Variants in RBFOX2 observed in about 807,000 individuals in gnomAD.
RBFOX2 encodes RNA binding protein fox-1 homolog 2.
Under a neutral mutation model 49.1 loss-of-function variants are expected in RBFOX2, and 10 were observed. That is an observed-to-expected ratio of 0.20 (90% CI 0.13 to 0.35). The LOEUF is 0.35. Among genes scored for constraint, RBFOX2 ranks in the 10% least tolerant of loss-of-function variants. The pLI, the probability that RBFOX2 is intolerant of heterozygous loss-of-function variation, is 1.00. For missense variants in RBFOX2, 323 were observed against 486.9 expected (o/e 0.66, Z 3.17); for synonymous variants, 183 against 187.4 (o/e 0.98, Z 0.19).
At chr22:36,000,065 A>T (rs2058353301) in intron 1 of RBFOX2, 1 of 148,166 alleles carries the variant, frequency 6.7e-6, no homozygotes, top group Admixed American at 6.8e-5. Flanking sequence ...CAGTGGCACG[A>T]TCTCAGCTCA....
At chr22:35,767,195 A>G (rs192634468) in intron 5 of RBFOX2, among the ~76,000 whole-genome samples, 7 of 152,332 alleles carry the variant, frequency 4.6e-5, no homozygotes, top group Admixed American at 2.6e-4. Context: ...TCCAGGCGGC[A>G]TTACTCAACA....
chr22:35,998,383 G>GT lies in RBFOX2; in HGVS notation c.186+29856dup, dbSNP rs568896900. 4.6e-3 allele frequency: 687 copies of GT among 148,908 alleles called. 1 individual carries two copies. The highest frequency in any genetic ancestry group is 0.015 in the African/African-American group (590 of 40,660). The allele number at this position is 148,908 out of a possible 1,614,324, so 9.2% of individuals were successfully genotyped here. On this transcript the variant is annotated intron_variant, in intron 1 of 13. Transcript: ENST00000438146. ...ACATCCAATGATACTTCTTAATTAG[G>GT]TTTTTTTTTTGAGACGGAGTTTCGC...
At chr22:35,946,909 TG>T (rs2054335366) in intron 1 of RBFOX2, among the ~76,000 whole-genome samples, 1 of 152,116 alleles carries the variant, frequency 6.6e-6, no homozygotes, top group Non-Finnish European at 1.5e-5. Flanking sequence ...ATAACGAAGC[TG>T]GTCAAGCACA....
At chr22:35,936,460 C>T (rs2053084728) in intron 1 of RBFOX2, among the ~76,000 whole-genome samples, 1 of 152,014 alleles carries the variant, frequency 6.6e-6, no homozygotes, top group Admixed American at 6.6e-5. Flanking sequence ...CAAGGTTAGG[C>T]GCATTAATTA....
rs1301752333 is a variant in RBFOX2, at chr22:35,897,756, A to T, written c.-34+41091T>A. On this transcript the variant is annotated intron_variant, in intron 1 of 13. Coordinates refer to the RBFOX2 transcript ENST00000359369. ...CACCAAACCAACACATATTTGCAAAATAATTAAGGAATCTATCCTCTCTTC... is the reference window on the plus strand; with the variant it reads ...CACCAAACCAACACATATTTGCAAATTAATTAAGGAATCTATCCTCTCTTC... 6.5e-6 allele frequency: 5 copies of T among 772,544 alleles called. No individual in the cohort carries two copies. In the Admixed American group the frequency reaches 8.6e-5, roughly 13 times the overall value. 47.9% of individuals were successfully genotyped at this position (772,544 alleles called of 1,614,324 possible).
chr22:35,869,438 C>A (rs538223317), intron 1 of RBFOX2, among the ~76,000 whole-genome samples: 4 of 120,290 alleles, frequency 3.3e-5, no homozygotes, highest in African/African-American at 1.3e-4. Flanking sequence ...GGATTACAGG[C>A]ATGAGCCACC....
intron 2 of RBFOX2, among the ~76,000 whole-genome samples, chr22:35,795,252 A>G (rs2147682992): frequency 6.6e-6 from 1 of 152,222 alleles, no homozygotes; most frequent in South Asian, 2.1e-4. Flanking sequence ...ACTTTGAGGG[A>G]AAAATAAGAG....
chr22:35,812,714 A>G (rs761447090), intron 1 of RBFOX2, among the ~76,000 whole-genome samples: 2 of 152,228 alleles, frequency 1.3e-5, no homozygotes, highest in Non-Finnish European at 1.5e-5. Context: ...GGTAAAAGCT[A>G]AAAGATAGAG....
intron 1 of RBFOX2, among the ~76,000 whole-genome samples, chr22:35,959,593 T>C (rs1009568409): frequency 1.7e-4 from 26 of 152,228 alleles, no homozygotes; most frequent in African/African-American, 5.5e-4. Context: ...ATTCAGTAGG[T>C]CTACAGTGGC....
chr22:35,881,976 GAAAGAAAAGAAA>G (rs1265123688), intron 1 of RBFOX2, among the ~76,000 whole-genome samples: 27 of 121,238 alleles, frequency 2.2e-4, no homozygotes, highest in African/African-American at 8.0e-4. Flanking sequence ...AAAAAGAAAA[GAAAGAAAAGAAA>G]AAAGAAAAAA....
intron 4 of RBFOX2, among the ~76,000 whole-genome samples, chr22:35,773,362 C>T (rs1188775771): frequency 1.3e-5 from 2 of 151,954 alleles, no homozygotes; most frequent in African/African-American, 4.8e-5. Context: ...ACCTAGATCC[C>T]CATTATTCCA....
chr22:35,830,406 G>A (rs904710686), intron 1 of RBFOX2, among the ~76,000 whole-genome samples: 2 of 152,210 alleles, frequency 1.3e-5, no homozygotes, highest in African/African-American at 2.4e-5. Context: ...AATTAATCAT[G>A]TGGGAGAAAA....
At chr22:35,756,328 A>G (rs1936927926) in intron 9 of RBFOX2, among the ~76,000 whole-genome samples, 184 bp from the exon 11 acceptor site, 1 of 152,240 alleles carries the variant, frequency 6.6e-6, no homozygotes, top group African/African-American at 2.4e-5. Context: ...AAGGTTACAC[A>G]GCTCCAGGAC....
At chr22:35,958,100 C>T (rs193289019) in intron 1 of RBFOX2, among the ~76,000 whole-genome samples, 13 of 152,032 alleles carry the variant, frequency 8.6e-5, no homozygotes, top group Non-Finnish European at 1.6e-4. Context: ...ACAATTCTAC[C>T]CCAAAAAAAG....
At chr22:35,850,193 T>TACATAC (rs2041763268) in intron 1 of RBFOX2, among the ~76,000 whole-genome samples, 2 of 132,602 alleles carry the variant, frequency 1.5e-5, no homozygotes, top group South Asian at 2.6e-4. Context: ...CTCTCTCTCA[T>TACATAC]ACACACACAC....
intron 1 of RBFOX2, among the ~76,000 whole-genome samples, chr22:35,986,330 C>T (rs75777124): frequency 1.3e-5 from 2 of 152,038 alleles, no homozygotes; most frequent in Non-Finnish European, 2.9e-5. Flanking sequence ...ATTCAGACTC[C>T]CTGATTCACT....
In RBFOX2 at chr22:35,821,571, C is replaced by T. The variant is rs150574858; in HGVS notation, c.28-11567G>A. On this transcript the variant is annotated intron_variant, in intron 1 of 11. Coordinates refer to ENST00000405409, the Ensembl canonical transcript of RBFOX2. The stretch of plus-strand genomic sequence containing the variant: ...GAGCCGAGATTGCGCCACTGCACTC[C>T]AGCCTGGGGGACAGAGTGAGACTCC... Among the ~76,000 whole-genome samples the T allele has an allele frequency of 3.6e-3, 469 of 130,840 alleles. 1 individual carries two copies. The highest frequency in any genetic ancestry group is 0.015 in the Middle Eastern group (3 of 194). The allele number at this position is 130,840 out of a possible 152,430, so 85.8% of individuals were successfully genotyped here. A position where few individuals can be genotyped will look rare whatever the true frequency, so the allele number is the denominator to read the frequency against.
At chr22:35,856,408 T>C (rs553611008) in intron 1 of RBFOX2, among the ~76,000 whole-genome samples, 1 of 152,290 alleles carries the variant, frequency 6.6e-6, no homozygotes, top group South Asian at 2.1e-4. Context: ...CTCTTTTTCT[T>C]TCCCTTCTGC....
At chr22:35,982,921 T>C (rs2057533539) in intron 1 of RBFOX2, among the ~76,000 whole-genome samples, 1 of 151,984 alleles carries the variant, frequency 6.6e-6, no homozygotes, top group African/African-American at 2.4e-5. Flanking sequence ...CAAACACAAA[T>C]AGCTTTTCAG....
Sources: gnomAD v4.1 joint callset for allele counts (sites outside exome capture counted in the v4.1 genomes callset) on GRCh38, gnomAD v4.1.1 for gene constraint, MANE v1.5 for transcripts, NCBI Gene and HGNC (gene_info 2026-07-23, HGNC 2026-07-21) for gene names.